Variants in RYR3 observed in about 807,000 individuals in gnomAD.
RYR3 encodes brain ryanodine receptor-calcium release channel.
In RYR3, 207 loss-of-function variants were observed where a neutral mutation model predicts 584.3. That is an observed-to-expected ratio of 0.35 (90% CI 0.32 to 0.40). The LOEUF (loss-of-function observed/expected upper bound fraction) is 0.40, where lower values mean the gene tolerates loss of function less well. Ranked by LOEUF, RYR3 falls within the 10% of genes least tolerant of loss-of-function variation. The pLI is 1.00. For synonymous variants in RYR3, 2,416 were observed against 2,248.5 expected (o/e 1.07, Z -2.11); for missense variants, 5,616 against 6,089.2 (o/e 0.92, Z 2.59).
At chr15:33,495,512 A>G (rs192127942) in intron 2 of RYR3, among the ~76,000 whole-genome samples, 69 of 152,350 alleles carry the variant, frequency 4.5e-4, no homozygotes, top group Non-Finnish European at 9.4e-4. Context: ...TTTATAAAGC[A>G]TCTTAGTGCA....
chr15:33,806,807 G>A (rs1012272465), intron 69 of RYR3, among the ~76,000 whole-genome samples: 3 of 150,712 alleles, frequency 2.0e-5, no homozygotes, highest in Admixed American at 2.0e-4. Flanking sequence ...AGTCTGGAGT[G>A]CACTGGTGTG....
intron 12 of RYR3, among the ~76,000 whole-genome samples, chr15:33,569,781 C>T (rs1303079836): frequency 1.3e-5 from 2 of 152,056 alleles, no homozygotes; most frequent in African/African-American, 4.8e-5. Context: ...TGATTGTAGC[C>T]ATACTAGTAG....
rs762409220 is a variant in RYR3, at chr15:33,623,844, A to G, written c.2395A>G (p.Lys799Glu). The G allele has an allele frequency of 6.2e-7, 1 of 1,613,734 alleles. No individual in the cohort carries two copies. The highest frequency in any genetic ancestry group is 1.7e-5 in the Admixed American group (1 of 60,022). The change falls in exon 20 of 104, where the codon AAG (lysine) becomes GAG (glutamate). Residue 799 changes from lysine (K) to glutamate (E), a missense_variant. This residue lies in a region of RYR3 where 1,284 missense variants were observed against 1,344.6 expected (regional missense o/e 0.95). Coordinates refer to ENST00000634891, the MANE Select transcript of RYR3 (RefSeq NM_001036.6). ...GATGGGTGGACGTCATGGAGAGTTT[A>G]AGTTCCTGCCTCCCTCTGGCTATGC... ...FLMGGRHGEF[K>E]FLPPSGYAPC...
intron 1 of RYR3, among the ~76,000 whole-genome samples, chr15:33,458,839 G>T (rs2047782612): frequency 6.6e-6 from 1 of 152,136 alleles, no homozygotes; most frequent in South Asian, 2.1e-4. Context: ...TGTTTTCTGG[G>T]GTCAACAATG....
chr15:33,864,111 T>TAC (rs2153026368), intron 102 of RYR3, 27 bp from the exon 103 acceptor site: 1 of 1,580,146 alleles, frequency 6.3e-7, no homozygotes, highest in Non-Finnish European at 8.7e-7. Context: ...GACCAGAGTA[T>TAC]CTAATACTAT....
rs1033633767 is a variant in RYR3, at chr15:33,764,751, C to T, written c.8706-3907C>T. Among the ~76,000 whole-genome samples, 4 of 151,986 alleles carry T rather than the reference C, an allele frequency of 2.6e-5. No individual in the cohort carries two copies. The East Asian group carries it at 5.8e-4, about 22-fold the overall frequency. ...TTAAAACTTATAAAAAGACTCAGAT[C>T]GACTGGACACGGTGGCTCATGCCTG... On this transcript the variant is annotated intron_variant, in intron 60 of 103. Transcript: ENST00000634891.
At chr15:33,598,217 C>T (rs1297773428) in intron 16 of RYR3, among the ~76,000 whole-genome samples, 3 of 54,898 alleles carry the variant, frequency 5.5e-5, no homozygotes, top group African/African-American at 1.6e-4. Flanking sequence ...AAATGGAATT[C>T]AGTTAACTGA....
chr15:33,444,972 A>G (rs1430174347), intron 1 of RYR3, among the ~76,000 whole-genome samples: 1 of 152,090 alleles, frequency 6.6e-6, no homozygotes, highest in African/African-American at 2.4e-5. Context: ...TGAAGTGGAA[A>G]TGAAGACAGT....
chr15:33,766,288 GAAAAAAA>G (rs66478931), intron 60 of RYR3, among the ~76,000 whole-genome samples: 6 of 134,064 alleles, frequency 4.5e-5, no homozygotes, highest in African/African-American at 1.4e-4. Context: ...ACCTCAAAAA[GAAAAAAA>G]AAAAAAGAAA....
At position 33,566,751 on chromosome 15, in the gene RYR3, C is replaced by A; in HGVS notation, c.1220C>A (p.Ala407Asp). The A allele has an allele frequency of 6.2e-7, 1 of 1,613,798 alleles. No individual in the cohort carries two copies. Among genetic ancestry groups the A allele is most frequent in the Non-Finnish European group, 8.5e-7 (1 of 1,179,726 alleles). Residue 407 changes from alanine (A) to aspartate (D), a missense_variant, in exon 12 of 104, where the codon GCT (alanine) becomes GAT (aspartate). By Grantham distance (126) the Ala-to-Asp change is moderately radical. Transcript: ENST00000634891. ...AGATGCCAGCGTGAGGAGTCCCAGG[C>A]TGCTCGGATCATCCGGAACACTACA... is the stretch of plus-strand genomic sequence containing the variant. Reference protein sequence around the residue: ...LQRCQREESQAARIIRNTTAL... With the variant: ...LQRCQREESQDARIIRNTTAL...
intron 69 of RYR3, among the ~76,000 whole-genome samples, chr15:33,803,369 C>T (rs574142066): frequency 3.3e-5 from 5 of 152,238 alleles, no homozygotes; most frequent in East Asian, 3.9e-4. Context: ...ATGATGTAGA[C>T]GAGGTTGAGT....
At chr15:33,487,558 A>G in intron 2 of RYR3, among the ~76,000 whole-genome samples, 1 of 152,144 alleles carries the variant, frequency 6.6e-6, no homozygotes, top group East Asian at 1.9e-4. Context: ...CTTGCTGCCC[A>G]ACATTTTGGG....
At chr15:33,730,822 A>G (rs944962079) in intron 47 of RYR3, among the ~76,000 whole-genome samples, 2 of 152,262 alleles carry the variant, frequency 1.3e-5, no homozygotes, top group Non-Finnish European at 2.9e-5. Flanking sequence ...AGAGTTGTAC[A>G]GAAGGTCCCA....
chr15:33,858,183 T>C, intron 99 of RYR3: 1 of 399,662 alleles, frequency 2.5e-6, no homozygotes, highest in South Asian at 6.2e-5. Flanking sequence ...ATCATTCATC[T>C]ATTTCCGGGG....
At chr15:33,328,758 G>C (rs1057070243) in intron 1 of RYR3, among the ~76,000 whole-genome samples, 1 of 151,996 alleles carries the variant, frequency 6.6e-6, no homozygotes, top group Admixed American at 6.6e-5. Context: ...CCCAGACCTC[G>C]CATTTATTCA....
At chr15:33,726,955 T>C (rs2068512387) in intron 46 of RYR3, among the ~76,000 whole-genome samples, 1 of 150,474 alleles carries the variant, frequency 6.6e-6, no homozygotes, top group African/African-American at 2.5e-5. Flanking sequence ...CTCTTGTCTG[T>C]GTCAGGACAA....
intron 1 of RYR3, among the ~76,000 whole-genome samples, chr15:33,404,411 A>G (rs78581247): frequency 0.075 from 11,491 of 152,240 alleles, 509 homozygotes; most frequent in African/African-American, 0.11. Context: ...GGTGGCTGTG[A>G]CCGTGAGACC....
intron 81 of RYR3, among the ~76,000 whole-genome samples, chr15:33,824,265 C>T (rs1320661695): frequency 6.6e-6 from 1 of 152,132 alleles, no homozygotes; most frequent in Non-Finnish European, 1.5e-5. Flanking sequence ...AGGTGATATA[C>T]GCTTAGATGC....
chr15:33,683,936 G>A (rs1335456439), intron 38 of RYR3, among the ~76,000 whole-genome samples: 1 of 152,260 alleles, frequency 6.6e-6, no homozygotes, highest in African/African-American at 2.4e-5. Flanking sequence ...AGGAAGAGGG[G>A]CGTCTGCCAT....
Sources: gnomAD v4.1 joint callset for allele counts (sites outside exome capture counted in the v4.1 genomes callset) on GRCh38, gnomAD v4.1.1 for gene constraint, gnomAD v4.1.1 regional missense constraint, MANE v1.5 for transcripts, NCBI Gene and HGNC (gene_info 2026-07-23, HGNC 2026-07-21) for gene names.